SPAG11B: variants seen among roughly 807,000 people sequenced by gnomAD.
The protein encoded by SPAG11B is sperm associated antigen 11B.
Under a neutral mutation model 8.9 loss-of-function variants are expected in SPAG11B, and 5 were observed. That is an observed-to-expected ratio of 0.56 (90% confidence interval 0.29 to 1.19). The LOEUF (loss-of-function observed/expected upper bound fraction) is 1.19. Ranked by LOEUF, SPAG11B falls within the 50% of genes most tolerant of loss-of-function variation. The probability of loss-of-function intolerance (pLI) is 0.08; values close to 1 mark genes in which losing one functional copy is unlikely to be tolerated. For missense variants in SPAG11B, 38 were observed against 146.4 expected, an observed-to-expected ratio of 0.26 and a Z score of 3.82; for synonymous variants, 12 against 53.0, an observed-to-expected ratio of 0.23 and a Z score of 3.36.
intron 2 of SPAG11B, chr8:7,452,389 C>T (rs1810240245): frequency 4.5e-5 from 2 of 44,702 alleles, no homozygotes; most frequent in South Asian, 1.7e-4. Flanking sequence ...TGAAATGGAG[C>T]GGAGAAGGCA....
At chr8:7,450,257 C>G (rs1219714835), downstream of SPAG11B, among the ~76,000 whole-genome samples, 2 of 143,850 alleles carry the variant, frequency 1.4e-5, no homozygotes, top group African/African-American at 2.7e-5. Context: ...ACAACACTAT[C>G]CTACTGAAAT....
downstream of SPAG11B, among the ~76,000 whole-genome samples, chr8:7,450,265 A>G (rs1810033784): frequency 6.9e-6 from 1 of 144,826 alleles, no homozygotes; most frequent in Non-Finnish European, 1.5e-5. Flanking sequence ...ATCCTACTGA[A>G]ATGTGACCTG....
intron 2 of SPAG11B, among the ~76,000 whole-genome samples, chr8:7,451,880 T>G (rs1185866209): frequency 1.3e-5 from 2 of 149,912 alleles, no homozygotes; most frequent in Non-Finnish European, 3.0e-5. Flanking sequence ...TGCACCATGG[T>G]AAATTAACAC....
At chr8:7,452,752 C>G in intron 2 of SPAG11B, among the ~76,000 whole-genome samples, 1 of 85,984 alleles carries the variant, frequency 1.2e-5, no homozygotes, top group South Asian at 4.7e-4. Flanking sequence ...TCCCATCTAC[C>G]AACAGAAACA....
At chr8:7,450,937 A>G (rs748171485) in intron 2 of SPAG11B, 37 bp from the exon 3 acceptor site, 3 of 1,548,882 alleles carry the variant, frequency 1.9e-6, no homozygotes, top group Admixed American at 3.7e-5. Context: ...CATTTAACTC[A>G]TATAGTGCAG....
At chr8:7,455,817 G>A in intron 2 of SPAG11B, among the ~76,000 whole-genome samples, 1 of 151,944 alleles carries the variant, frequency 6.6e-6, no homozygotes, top group Non-Finnish European at 1.5e-5. Flanking sequence ...TCTCCAACAT[G>A]GAGGAACTTT....
intron 2 of SPAG11B, among the ~76,000 whole-genome samples, chr8:7,453,315 G>C (rs1459477678): frequency 6.8e-6 from 1 of 147,506 alleles, no homozygotes; most frequent in South Asian, 2.1e-4. Context: ...TTTAGTCCCA[G>C]GATCACTTAG....
intron 2 of SPAG11B, among the ~76,000 whole-genome samples, chr8:7,459,432 G>A (rs1292970555): frequency 6.9e-5 from 10 of 145,184 alleles, no homozygotes; most frequent in African/African-American, 2.0e-4. Context: ...CACACAGATC[G>A]GTTCTTTCTG....
rs1171068699 is a variant in SPAG11B, at chr8:7,450,960, G to A, written c.215-60C>T. ...TCATATAGTGCAGAGAATAGAAGATGACCCCAGCCCGCTGCCAAGGGTTAT... is the reference window on the plus strand; with the variant it reads ...TCATATAGTGCAGAGAATAGAAGATAACCCCAGCCCGCTGCCAAGGGTTAT... On this transcript the variant is annotated intron_variant, in intron 2 of 2. Coordinates refer to ENST00000398462, the MANE Select transcript of SPAG11B (RefSeq NM_058201.4). 12 of 1,537,304 alleles carry A rather than the reference G, an allele frequency of 7.8e-6. 2 individuals carry two copies. The African/African-American group carries it at 1.3e-4, about 17-fold the overall frequency.
chr8:7,450,987 T>C (rs2128872074), intron 2 of SPAG11B, 87 bp from the exon 3 acceptor site: 1 of 1,525,174 alleles, frequency 6.6e-7, no homozygotes, highest in East Asian at 2.3e-5. Flanking sequence ...AAGGGTTATA[T>C]ATTCTGACAA....
chr8:7,458,785 A>T (rs1251465181), intron 2 of SPAG11B, among the ~76,000 whole-genome samples: 1 of 104,594 alleles, frequency 9.6e-6, no homozygotes, highest in African/African-American at 4.6e-5. Flanking sequence ...TAATGAGAGG[A>T]TATTTCAAGG....
chr8:7,448,719 A>T (rs1366228923), downstream of SPAG11B, among the ~76,000 whole-genome samples: 246 of 141,784 alleles, frequency 1.7e-3, 1 homozygote, highest in African/African-American at 6.4e-3. Flanking sequence ...GCAACTCCAG[A>T]GCTCACCACT....
intron 2 of SPAG11B, among the ~76,000 whole-genome samples, chr8:7,458,410 CT>C (rs201480891): frequency 0.11 from 4,803 of 42,198 alleles, 7 homozygotes; most frequent in Middle Eastern, 0.18. Flanking sequence ...CAGTGTAAAA[CT>C]AGCAGAAGTG....
At chr8:7,454,185 A>T (rs1246215080) in intron 2 of SPAG11B, among the ~76,000 whole-genome samples, 4 of 123,330 alleles carry the variant, frequency 3.2e-5, no homozygotes, top group African/African-American at 1.1e-4. Context: ...CAAGGGTCCC[A>T]AGGAATAATG....
Position 7,459,026 on chromosome 8 carries a change from T to G in SPAG11B, c.214+3681A>C, listed in dbSNP as rs182009017. Among the ~76,000 whole-genome samples, 2 of 89,828 alleles carry G rather than the reference T, an allele frequency of 2.2e-5. 1 individual carries two copies. Among genetic ancestry groups the G allele is most frequent in the South Asian group, 8.1e-4 (2 of 2,462 alleles). 58.9% of individuals were successfully genotyped at this position (89,828 alleles called of 152,430 possible). A position where few individuals can be genotyped will look rare whatever the true frequency, so the allele number is the denominator to read the frequency against. On this transcript the variant is annotated intron_variant, in intron 2 of 2. Coordinates refer to ENST00000398462, the MANE Select transcript of SPAG11B (RefSeq NM_058201.4). ...CCAGCCTGATCAACATGGAGAAACC[T>G]CGTCTCTACTAAAAATACAAAATTA...
At chr8:7,451,917 G>A (rs1439613391) in intron 2 of SPAG11B, among the ~76,000 whole-genome samples, 1 of 140,766 alleles carries the variant, frequency 7.1e-6, no homozygotes, top group African/African-American at 2.7e-5. Context: ...TTTTCTTTTT[G>A]TAGAGCATGG....
At chr8:7,459,536 C>A (rs1260466309) in intron 2 of SPAG11B, among the ~76,000 whole-genome samples, 2 of 148,970 alleles carry the variant, frequency 1.3e-5, no homozygotes, top group South Asian at 4.5e-4. Context: ...GAGACACACT[C>A]CCCGCACAAT....
chr8:7,453,218 G>A (rs1294089830), intron 2 of SPAG11B, among the ~76,000 whole-genome samples: 1 of 143,374 alleles, frequency 7.0e-6, no homozygotes, highest in East Asian at 2.0e-4. Context: ...AATCTGCAAG[G>A]ACACGATATT....
intron 2 of SPAG11B, among the ~76,000 whole-genome samples, chr8:7,452,082 T>C (rs1810224119): frequency 2.0e-5 from 2 of 102,268 alleles, no homozygotes; most frequent in Admixed American, 1.0e-4. Flanking sequence ...TTATAACACT[T>C]ATTTAGCTTT....
Sources: allele counts gnomAD v4.1 joint callset (sites outside exome capture counted in the v4.1 genomes callset), GRCh38; gene constraint gnomAD v4.1.1; transcripts MANE v1.5; gene names NCBI Gene and HGNC (gene_info 2026-07-23, HGNC 2026-07-21).